The following RNF212B variants were observed in gnomAD, a reference collection of about 807,000 sequenced individuals.
The protein encoded by RNF212B is ring finger protein 212B.
RNF212B carries 52 observed loss-of-function variants against 55.5 expected under a neutral mutation model. The ratio of observed to expected loss-of-function variants is 0.94; its 90% CI spans 0.75 to 1.18. The LOEUF is 1.18. RNF212B is among the 50% of genes most tolerant of loss of function. The pLI is 0.00. For missense variants in RNF212B, 289 were observed against 350.4 expected, an observed-to-expected ratio of 0.82 and a Z score of 1.40; for synonymous variants, 99 against 121.4, an observed-to-expected ratio of 0.82 and a Z score of 1.21.
chr14:23,194,442 G>A (rs1878437647), intron 2 of RNF212B, among the ~76,000 whole-genome samples: 1 of 152,002 alleles, frequency 6.6e-6, no homozygotes, highest in Admixed American at 6.6e-5. Context: ...ACCTCTATTA[G>A]AAGCTGATAA....
chr14:23,216,362 CA>C (rs1247006553), intron 2 of RNF212B, among the ~76,000 whole-genome samples: 1 of 151,196 alleles, frequency 6.6e-6, no homozygotes, highest in East Asian at 2.0e-4. Context: ...TACAAAAAAG[CA>C]AAAAGAAGTG....
chr14:23,249,340 G>C lies in RNF212B; in HGVS notation c.228+4944G>C, dbSNP rs187841796. Among the ~76,000 whole-genome samples, 983 of 152,238 alleles carry C rather than the reference G, an allele frequency of 6.5e-3. 12 individuals are homozygous for C. Among genetic ancestry groups the C allele is most frequent in the African/African-American group, 0.022 (927 of 41,556 alleles). On this transcript the variant is annotated intron_variant, in intron 4 of 14. Transcript: ENST00000430154. ...GTGGGAGGATTGCTTGAGGCCAGGGGTTTGAGACTAGCTTGGGCAACATAG... is the reference window on the plus strand; with the variant it reads ...GTGGGAGGATTGCTTGAGGCCAGGGCTTTGAGACTAGCTTGGGCAACATAG...
At chr14:23,227,994 G>A (rs1171673611) in intron 2 of RNF212B, among the ~76,000 whole-genome samples, 1 of 152,124 alleles carries the variant, frequency 6.6e-6, no homozygotes, top group Non-Finnish European at 1.5e-5. Flanking sequence ...ACTTTGGGAG[G>A]CCGAGGCAGG....
At chr14:23,237,322 G>C (rs1396616326), upstream of RNF212B, among the ~76,000 whole-genome samples, 4 of 152,070 alleles carry the variant, frequency 2.6e-5, no homozygotes, top group African/African-American at 9.7e-5. Flanking sequence ...TAGAAGCGGG[G>C]TTTCGCCATG....
At position 23,240,516 on chromosome 14, in the gene RNF212B, CTA is replaced by C. The variant is rs879011391; in HGVS notation, c.100+73_100+74del. 2.1e-5 allele frequency: 19 copies of C among 885,496 alleles called. No individual in the cohort carries two copies. In the South Asian group the frequency reaches 2.7e-4, roughly 13 times the overall value. The allele number at this position is 885,496 out of a possible 1,614,324, so 54.9% of individuals were successfully genotyped here. A position where few individuals can be genotyped will look rare whatever the true frequency, so the allele number is the denominator to read the frequency against. On this transcript the variant is annotated intron_variant, in intron 2 of 14. Transcript: ENST00000430154. The stretch of plus-strand genomic sequence containing the variant: ...GTAAGGATGTAAGGAGTAGCCATTT[CTA>C]TGTGTGACTTAGGATAAAAATCACT...
upstream of RNF212B, among the ~76,000 whole-genome samples, chr14:23,233,895 G>C (rs182009032): frequency 6.3e-3 from 962 of 152,168 alleles, 12 homozygotes; most frequent in African/African-American, 0.022. Flanking sequence ...TCAGGAGTTC[G>C]AGACCAGCCT....
intron 2 of RNF212B, among the ~76,000 whole-genome samples, chr14:23,209,514 A>G (rs1042188644): frequency 2.6e-5 from 4 of 152,220 alleles, no homozygotes; most frequent in African/African-American, 9.6e-5. Context: ...TATAAAATAT[A>G]CATGCCTCCA....
At chr14:23,212,191 A>C (rs1032891289) in intron 2 of RNF212B, among the ~76,000 whole-genome samples, 1 of 152,238 alleles carries the variant, frequency 6.6e-6, no homozygotes, top group African/African-American at 2.4e-5. Flanking sequence ...ATGGTGAAAT[A>C]CTGAATGCTT....
At chr14:23,245,880 T>C (rs1173158889) in intron 4 of RNF212B, among the ~76,000 whole-genome samples, 13 of 152,226 alleles carry the variant, frequency 8.5e-5, no homozygotes, top group African/African-American at 3.1e-4. Context: ...TGTTCTCTTT[T>C]AATAGTCCTT....
At chr14:23,203,653 T>C (rs976697760) in intron 2 of RNF212B, among the ~76,000 whole-genome samples, 2 of 152,076 alleles carry the variant, frequency 1.3e-5, no homozygotes, top group Non-Finnish European at 2.9e-5. Context: ...TAATTTTGTA[T>C]TTTTAGTAGA....
intron 2 of RNF212B, among the ~76,000 whole-genome samples, chr14:23,209,658 C>A (rs1290759200): frequency 6.6e-6 from 1 of 152,116 alleles, no homozygotes; most frequent in Non-Finnish European, 1.5e-5. Context: ...TGCTTAACCA[C>A]TTTGAGGGTA....
chr14:23,233,147 C>CA (rs1469241458), upstream of RNF212B, among the ~76,000 whole-genome samples: 1 of 152,154 alleles, frequency 6.6e-6, no homozygotes. Flanking sequence ...TGTGTCCACT[C>CA]GGGGTTAAAT....
intron 1 of RNF212B, among the ~76,000 whole-genome samples, chr14:23,188,647 T>G (rs1877830829): frequency 6.6e-6 from 1 of 152,000 alleles, no homozygotes; most frequent in African/African-American, 2.4e-5. Context: ...TTAAAAAATT[T>G]TTAGTAAAGA....
Position 23,259,946 on chromosome 14 carries a change from T to C in RNF212B, c.405+2T>C, listed in dbSNP as rs1241269129. The C allele has an allele frequency of 2.1e-6, 3 of 1,424,664 alleles. No individual in the cohort carries two copies. The highest frequency in any genetic ancestry group is 2.9e-6 in the Non-Finnish European group (3 of 1,052,120). 88.3% of individuals were successfully genotyped at this position (1,424,664 alleles called of 1,614,324 possible). A position where few individuals can be genotyped will look rare whatever the true frequency, so the allele number is the denominator to read the frequency against. ...AAGAAATTTCTAGCCATTCTAAAGG[T>C]GAATGAAATAGATTTTCCTTATTAT... On this transcript the variant is annotated splice_donor_variant, in intron 6 of 14. Coordinates refer to ENST00000430154, the MANE Select transcript of RNF212B (RefSeq NM_001282322.3). LOFTEE classifies it high-confidence loss of function.
chr14:23,235,994 G>C (rs1883063820), upstream of RNF212B, among the ~76,000 whole-genome samples: 3 of 152,060 alleles, frequency 2.0e-5, no homozygotes, highest in South Asian at 6.2e-4. Flanking sequence ...ATCTGAAAAG[G>C]CCATTTAAAT....
intron 1 of RNF212B, among the ~76,000 whole-genome samples, chr14:23,187,845 C>T (rs58290003): frequency 0.02 from 3,065 of 151,900 alleles, 38 homozygotes; most frequent in Middle Eastern, 0.085. Flanking sequence ...TGCCTATGGT[C>T]GATTAGATGG....
chr14:23,219,663 G>T (rs1230678124), intron 2 of RNF212B, among the ~76,000 whole-genome samples: 2 of 151,658 alleles, frequency 1.3e-5, no homozygotes, highest in Non-Finnish European at 1.5e-5. Flanking sequence ...GTAGAGATGG[G>T]GTTTCACCAT....
intron 1 of RNF212B, among the ~76,000 whole-genome samples, chr14:23,238,780 A>ATCATCATC (rs1555316079): frequency 0.013 from 1,889 of 145,668 alleles, 29 homozygotes; most frequent in Middle Eastern, 0.018. Flanking sequence ...TAATAATAAT[A>ATCATCATC]ATCCCACAAA....
At chr14:23,258,980 A>C (rs925785386) in intron 5 of RNF212B, among the ~76,000 whole-genome samples, 2 of 151,560 alleles carry the variant, frequency 1.3e-5, no homozygotes, top group Non-Finnish European at 2.9e-5. Context: ...AGGCCAGGAG[A>C]AGATCAGCCT....
Sources: allele counts gnomAD v4.1 joint callset (sites outside exome capture counted in the v4.1 genomes callset), GRCh38; gene constraint gnomAD v4.1.1; transcripts MANE v1.5; gene names NCBI Gene and HGNC (gene_info 2026-07-23, HGNC 2026-07-21).